The following KIRREL3 variants were observed in gnomAD, a reference collection of about 807,000 sequenced individuals.
KIRREL3 encodes kin of IRRE-like protein 3.
A neutral mutation model predicts 89.7 loss-of-function variants in KIRREL3; 36 were observed. The ratio of observed to expected loss-of-function variants is 0.40; its 90% CI spans 0.31 to 0.53. The LOEUF is 0.53. KIRREL3 is among the 20% of genes least tolerant of loss of function. The pLI is 0.49. For synonymous variants in KIRREL3, 445 were observed against 441.4 expected, an observed-to-expected ratio of 1.01 and a Z score of -0.10; for missense variants, 864 against 1,056.6, an observed-to-expected ratio of 0.82 and a Z score of 2.53.
In KIRREL3 at chr11:126,520,013, G is replaced by T. The variant is rs1483158461; in HGVS notation, c.433+1302C>A. ...TGGGGAGACTCAAAGGTTGCAGGAG[G>T]TTTCTGAGGCTGGCCCCAAGTCCCT... On this transcript the variant is annotated intron_variant, in intron 4 of 16. Coordinates refer to ENST00000525144, the MANE Select transcript of KIRREL3 (RefSeq NM_032531.4). This position sits in a 1 kb window ranked among gnomAD's most constrained non-coding sequence, Gnocchi z 4.9. Among the ~76,000 whole-genome samples, 1 of 152,142 alleles carries T rather than the reference G, an allele frequency of 6.6e-6. No individual in the cohort carries two copies. The highest frequency in any genetic ancestry group is 2.1e-4 in the South Asian group (1 of 4,828).
rs568518511 is a variant in KIRREL3 at position 126,627,356 on chromosome 11, T to A, written c.56-64444A>T. ...AAAACCATGTTGAAGCATGGTGACC[T>A]GGTCTGTGTTCCTATAGGCCGCCCT... On this transcript the variant is annotated intron_variant, in intron 1 of 16. Coordinates refer to ENST00000525144, the MANE Select transcript of KIRREL3 (RefSeq NM_032531.4). This position sits in a 1 kb window ranked among gnomAD's most constrained non-coding sequence, Gnocchi z 5.0. 3.2e-4 allele frequency among the ~76,000 whole-genome samples: 49 copies of A among 152,302 alleles called. No individual in the cohort carries two copies. The highest frequency in any genetic ancestry group is 2.3e-3 in the Admixed American group (35 of 15,306).
chr11:126,472,507 C>T (rs1419765069), intron 5 of KIRREL3, among the ~76,000 whole-genome samples: 1 of 152,154 alleles, frequency 6.6e-6, no homozygotes, highest in Non-Finnish European at 1.5e-5. Context: ...TGATCATCTC[C>T]TAAAGGCCCC....
At chr11:126,675,302 T>C (rs1419950693) in intron 1 of KIRREL3, among the ~76,000 whole-genome samples, 1 of 152,264 alleles carries the variant, frequency 6.6e-6, no homozygotes, top group African/African-American at 2.4e-5. Context: ...ACTCAGCATG[T>C]TTGACCTAAT....
Position 126,563,029 on chromosome 11 carries a change from T to TATA in KIRREL3, c.56-118_56-117insTAT. 1.6e-6 allele frequency: 1 copy of TATA among 607,528 alleles called. No homozygotes were observed. The highest frequency in any genetic ancestry group is 2.9e-6 in the Non-Finnish European group (1 of 349,452). The allele number at this position is 607,528 out of a possible 1,614,324, so 37.6% of individuals were successfully genotyped here. On this transcript the variant is annotated intron_variant, in intron 1 of 16. Transcript: ENST00000525144. The surrounding 1 kb of genome is among the most constrained non-coding windows in gnomAD (Gnocchi z 6.8). ...TCTTATAAACAGAGGTGCTTTTGTT[T>TATA]AGCCAACATTTATATGGAAATTGTT...
chr11:126,857,616 C>T (rs1228507208), intron 1 of KIRREL3, among the ~76,000 whole-genome samples: 2 of 152,088 alleles, frequency 1.3e-5, no homozygotes, highest in Non-Finnish European at 2.9e-5. Flanking sequence ...TGATCTGAGA[C>T]TGGTATTTCC....
chr11:126,711,371 C>A (rs555012088), intron 1 of KIRREL3, among the ~76,000 whole-genome samples: 99 of 152,134 alleles, frequency 6.5e-4, no homozygotes, highest in Non-Finnish European at 1.3e-3. Flanking sequence ...ACCAGCCTGG[C>A]CAATATGGTG....
chr11:126,435,317 A>G lies in KIRREL3; in HGVS notation c.1553-14T>C, dbSNP rs767018703. On this transcript the variant is annotated splice_polypyrimidine_tract_variant and intron_variant, in intron 12 of 16. Transcript: ENST00000525144. ...TCATTTCCGAACCTGTTTGGAAATAAAGCAAGCGTCTACAGCCAGGGCCTG... is the reference window on the plus strand; with the variant it reads ...TCATTTCCGAACCTGTTTGGAAATAGAGCAAGCGTCTACAGCCAGGGCCTG... 3.1e-6 allele frequency: 5 copies of G among 1,613,778 alleles called. No individual in the cohort carries two copies. In the South Asian group the frequency reaches 5.5e-5, roughly 18 times the overall value.
intron 1 of KIRREL3, among the ~76,000 whole-genome samples, chr11:126,932,435 G>T (rs1947989682): frequency 6.6e-6 from 1 of 152,024 alleles, no homozygotes; most frequent in Non-Finnish European, 1.5e-5. Context: ...AAAGTGGGGG[G>T]TCCTATTTCA....
intron 1 of KIRREL3, among the ~76,000 whole-genome samples, chr11:126,880,298 CCCA>C (rs1945450070): frequency 6.6e-6 from 1 of 152,120 alleles, no homozygotes; most frequent in Non-Finnish European, 1.5e-5. Flanking sequence ...ACCCACTCAC[CCCA>C]CCTTTTGCTT....
Position 126,489,789 on chromosome 11 carries a change from T to C in KIRREL3, c.434-16323A>G, listed in dbSNP as rs1957459927. On this transcript the variant is annotated intron_variant, in intron 4 of 16. Coordinates refer to ENST00000525144, the MANE Select transcript of KIRREL3 (RefSeq NM_032531.4). This position sits in a 1 kb window ranked among gnomAD's most constrained non-coding sequence, Gnocchi z 5.5. ...GCTGGCTCTCTCTGAGGCTTCCCTT[T>C]CAGCTTTGATGAGCAACTCACTTGC... Among the ~76,000 whole-genome samples the C allele has an allele frequency of 6.6e-6, 1 of 152,144 alleles. No individual in the cohort carries two copies. The highest frequency in any genetic ancestry group is 1.5e-5 in the Non-Finnish European group (1 of 68,038).
intron 1 of KIRREL3, among the ~76,000 whole-genome samples, chr11:126,868,090 G>A (rs1944981411): frequency 7.1e-6 from 1 of 140,192 alleles, no homozygotes; most frequent in Non-Finnish European, 1.5e-5. Flanking sequence ...GCGGGGGTGG[G>A]AGAGCATAGC....
In KIRREL3 at chr11:126,495,684, T is replaced by C. The variant is rs1467477234; in HGVS notation, c.434-22218A>G. ...AAACTTATGGTCACAGTCAGGACCA[T>C]GGAGGAGGAGGGGCACTCAGAGATT... On this transcript the variant is annotated intron_variant, in intron 4 of 16. Coordinates refer to ENST00000525144, the MANE Select transcript of KIRREL3 (RefSeq NM_032531.4). The surrounding 1 kb of genome is among the most constrained non-coding windows in gnomAD (Gnocchi z 6.5). Among the ~76,000 whole-genome samples, 4 of 152,024 alleles carry C rather than the reference T, an allele frequency of 2.6e-5. No homozygotes were observed. The East Asian group carries it at 7.7e-4, about 29-fold the overall frequency.
At chr11:126,785,717 A>G (rs900961578) in intron 1 of KIRREL3, among the ~76,000 whole-genome samples, 16 of 151,946 alleles carry the variant, frequency 1.1e-4, no homozygotes, top group African/African-American at 3.6e-4. Context: ...CTACTGAAAT[A>G]CAAAAATTTA....
intron 9 of KIRREL3, among the ~76,000 whole-genome samples, chr11:126,445,566 A>G (rs1464823877): frequency 1.3e-5 from 2 of 152,142 alleles, no homozygotes; most frequent in African/African-American, 4.8e-5. Context: ...CCTTTGGGAT[A>G]TAGCTTGGAG....
intron 1 of KIRREL3, among the ~76,000 whole-genome samples, chr11:126,956,215 G>A (rs953092864): frequency 2.0e-5 from 3 of 152,274 alleles, no homozygotes; most frequent in South Asian, 2.1e-4. Context: ...GCCAGGCATC[G>A]AGCCGTGCAT....
chr11:126,467,176 G>T (rs567085002), intron 5 of KIRREL3, among the ~76,000 whole-genome samples: 2 of 152,222 alleles, frequency 1.3e-5, no homozygotes, highest in Admixed American at 6.5e-5. Flanking sequence ...ACTGACTGCC[G>T]TGACTCTGCG....
At chr11:126,631,176 C>A (rs1419022325) in intron 1 of KIRREL3, among the ~76,000 whole-genome samples, 1 of 151,906 alleles carries the variant, frequency 6.6e-6, no homozygotes, top group Admixed American at 6.6e-5. Flanking sequence ...GCTATGTATT[C>A]AGCAACCTCT....
intron 1 of KIRREL3, among the ~76,000 whole-genome samples, chr11:126,945,550 G>A (rs1438406507): frequency 6.6e-6 from 1 of 152,184 alleles, no homozygotes; most frequent in East Asian, 1.9e-4. Context: ...AGGCTGTGGG[G>A]AAACAGATCT....
chr11:126,506,674 A>G (rs1192841667), intron 4 of KIRREL3, among the ~76,000 whole-genome samples: 3 of 152,246 alleles, frequency 2.0e-5, no homozygotes, highest in Non-Finnish European at 4.4e-5. Context: ...AGTTGAGCAT[A>G]AACTTTCCAT....
Sources: allele counts gnomAD v4.1 joint callset (sites outside exome capture counted in the v4.1 genomes callset), GRCh38; gene constraint gnomAD v4.1.1; non-coding constraint Gnocchi (gnomAD v3.1); transcripts MANE v1.5; gene names NCBI Gene and HGNC (gene_info 2026-07-23, HGNC 2026-07-21).